BCKDHB: variants seen among roughly 807,000 people sequenced by gnomAD.
BCKDHB encodes 2-oxoisovalerate dehydrogenase subunit beta, mitochondrial.
Under a neutral mutation model 48.5 loss-of-function variants are expected in BCKDHB, and 41 were observed. That is an observed-to-expected ratio of 0.85 (90% CI 0.66 to 1.10). The LOEUF (loss-of-function observed/expected upper bound fraction) is 1.10, where lower values mean the gene tolerates loss of function less well. Among genes scored for constraint, BCKDHB ranks in the 50% least tolerant of loss-of-function variants. The probability of loss-of-function intolerance (pLI) is 0.00; values close to 1 mark genes in which losing one functional copy is unlikely to be tolerated. For synonymous variants in BCKDHB, 201 were observed against 174.8 expected, an observed-to-expected ratio of 1.15 and a Z score of -1.18; for missense variants, 496 against 494.2, an observed-to-expected ratio of 1.00 and a Z score of -0.03.
intron 3 of BCKDHB, among the ~76,000 whole-genome samples, chr6:80,157,443 A>C (rs1772096275): frequency 6.8e-6 from 1 of 147,448 alleles, no homozygotes; most frequent in Admixed American, 6.8e-5. Flanking sequence ...TAGGCACTGG[A>C]GATTATTGGG....
At chr6:80,324,556 A>G (rs1768933357) in intron 9 of BCKDHB, among the ~76,000 whole-genome samples, 1 of 151,390 alleles carries the variant, frequency 6.6e-6, no homozygotes, top group East Asian at 1.9e-4. Context: ...ATATATTAGC[A>G]TATATAGTAG....
chr6:80,226,080 A>G (rs1247108280), intron 8 of BCKDHB, among the ~76,000 whole-genome samples: 2 of 152,214 alleles, frequency 1.3e-5, no homozygotes, highest in African/African-American at 4.8e-5. Flanking sequence ...TTAAGGCTGT[A>G]TAACTGATAG....
At chr6:80,181,057 T>A (rs1308570816) in intron 6 of BCKDHB, among the ~76,000 whole-genome samples, 1 of 152,174 alleles carries the variant, frequency 6.6e-6, no homozygotes, top group African/African-American at 2.4e-5. Flanking sequence ...AACTTTCAAC[T>A]CTTTTAGTTG....
the BCKDHB span, among the ~76,000 whole-genome samples, chr6:80,355,068 T>C: frequency 1.3e-5 from 2 of 152,202 alleles, no homozygotes; most frequent in African/African-American, 2.4e-5. Flanking sequence ...AGGGATTTCA[T>C]TGAATCTGTA....
intron 9 of BCKDHB, among the ~76,000 whole-genome samples, chr6:80,297,243 A>G (rs1416146272): frequency 6.6e-6 from 1 of 152,202 alleles, no homozygotes; most frequent in Non-Finnish European, 1.5e-5. Flanking sequence ...AGAAAACCTA[A>G]TATCTGACCT....
chr6:80,397,696 A>G, the BCKDHB span, among the ~76,000 whole-genome samples: 2 of 152,324 alleles, frequency 1.3e-5, no homozygotes, highest in Admixed American at 6.5e-5. Context: ...AGCTTGTCCA[A>G]CATGGTGTAA....
At chr6:80,305,986 C>G (rs9352814) in intron 9 of BCKDHB, among the ~76,000 whole-genome samples, 11 of 152,272 alleles carry the variant, frequency 7.2e-5, no homozygotes, top group Admixed American at 2.0e-4. Context: ...GGTGGTTAAT[C>G]TTTCTCTGCT....
At chr6:80,400,933 A>T in the BCKDHB span, among the ~76,000 whole-genome samples, 1 of 152,050 alleles carries the variant, frequency 6.6e-6, no homozygotes, top group East Asian at 1.9e-4. Context: ...ATGGAGCTGG[A>T]GGTCATTATC....
the BCKDHB span, among the ~76,000 whole-genome samples, chr6:80,376,358 G>A: frequency 6.6e-5 from 10 of 152,040 alleles, no homozygotes; most frequent in African/African-American, 1.7e-4. Flanking sequence ...TCTCACTCCC[G>A]CTGTGCACCC....
the BCKDHB span, among the ~76,000 whole-genome samples, chr6:80,463,924 G>A: frequency 3.9e-5 from 6 of 152,134 alleles, no homozygotes; most frequent in East Asian, 7.8e-4. Flanking sequence ...CTGAAATATT[G>A]TGTCCAGCAT....
At position 80,106,768 on chromosome 6, in the gene BCKDHB, G is replaced by A. The variant is rs1476159663; in HGVS notation, c.75G>A (p.Arg25=). The A allele has an allele frequency of 1.9e-6, 3 of 1,584,912 alleles. No homozygotes were observed. Among genetic ancestry groups the A allele is most frequent in the East Asian group, 2.3e-5 (1 of 43,122 alleles). The change falls in exon 1 of 10, where the codon CGG becomes CGA. Residue 25 remains arginine, a synonymous_variant. Transcript: ENST00000320393. ...RAAGAEGHWR[R]LPGAGLARGF... ...CAGGGGCTGAGGGGCACTGGCGTCG[G>A]CTTCCTGGCGCGGGGCTGGCGCGGG...
intron 8 of BCKDHB, among the ~76,000 whole-genome samples, chr6:80,224,026 G>A (rs762919861): frequency 2.0e-5 from 3 of 152,176 alleles, no homozygotes; most frequent in African/African-American, 4.8e-5. Context: ...GAATTTTAAG[G>A]AAGCCTGACA....
rs796051940 is a variant in BCKDHB, at chr6:80,171,289, T to A, written c.641T>A (p.Ile214Lys). 4.4e-6 allele frequency: 7 copies of A among 1,606,074 alleles called. No homozygotes were observed. Among genetic ancestry groups the A allele is most frequent in the Admixed American group, 1.7e-5 (1 of 59,812 alleles). ...AAAAATCTGTTTTTGCAGGTGGTTATACCCAGAAGCCCTTTCCAGGCCAAA... is the reference window on the plus strand; with the variant it reads ...AAAAATCTGTTTTTGCAGGTGGTTAAACCCAGAAGCCCTTTCCAGGCCAAA... ...FAHCPGIKVV[I>K]PRSPFQAKGL... is the part of the protein sequence containing the mutation. Residue 214 changes from isoleucine (I) to lysine (K), a missense_variant, in exon 6 of 10, where the codon ATA (isoleucine) becomes AAA (lysine). Transcript: ENST00000320393.
intron 8 of BCKDHB, among the ~76,000 whole-genome samples, chr6:80,262,198 T>A (rs546302235): frequency 6.6e-6 from 1 of 152,290 alleles, no homozygotes; most frequent in African/African-American, 2.4e-5. Context: ...GTATGCAACC[T>A]ATGGTAGCTG....
At chr6:80,107,499 G>GCA (rs1491176223) in intron 1 of BCKDHB, among the ~76,000 whole-genome samples, 76 of 120,052 alleles carry the variant, frequency 6.3e-4, no homozygotes, top group South Asian at 3.6e-3. Context: ...GCATATATAT[G>GCA]CATATATATG....
At chr6:80,436,822 G>A in the BCKDHB span, among the ~76,000 whole-genome samples, 1 of 152,168 alleles carries the variant, frequency 6.6e-6, no homozygotes, top group South Asian at 2.1e-4. Context: ...CTGACAGCAT[G>A]ATTGCTTTTT....
the BCKDHB span, among the ~76,000 whole-genome samples, chr6:80,419,719 C>T: frequency 6.6e-6 from 1 of 152,186 alleles, no homozygotes; most frequent in African/African-American, 2.4e-5. Context: ...GATAGGATTG[C>T]TCCTTACCAG....
intron 3 of BCKDHB, among the ~76,000 whole-genome samples, chr6:80,149,994 T>A (rs1053016835): frequency 3.5e-5 from 5 of 142,770 alleles, no homozygotes; most frequent in African/African-American, 1.3e-4. Context: ...TAAAAAAAAA[T>A]AGTAAAGTCC....
the BCKDHB span, among the ~76,000 whole-genome samples, chr6:80,365,929 A>G: frequency 1.1e-4 from 17 of 152,248 alleles, no homozygotes; most frequent in African/African-American, 4.1e-4. Context: ...AGGCTATAAT[A>G]TAACACATTT....
Sources: allele counts gnomAD v4.1 joint callset (sites outside exome capture counted in the v4.1 genomes callset), GRCh38; gene constraint gnomAD v4.1.1; transcripts MANE v1.5; gene names NCBI Gene and HGNC (gene_info 2026-07-23, HGNC 2026-07-21).